The following HAPSTR1 variants were observed in gnomAD, a reference collection of about 807,000 sequenced individuals.
HAPSTR1 encodes the protein HUWE1 associated protein modifying stress responses.
chr16:9,096,780 T>C, the HAPSTR1 span, among the ~76,000 whole-genome samples: 1 of 152,200 alleles, frequency 6.6e-6, no homozygotes, highest in East Asian at 1.9e-4. Context: ...CCCAGCACTT[T>C]GGGAGGCTGA....
At chr16:9,096,349 T>A in the HAPSTR1 span, among the ~76,000 whole-genome samples, 3 of 152,174 alleles carry the variant, frequency 2.0e-5, no homozygotes, top group South Asian at 2.1e-4. Context: ...TTTTTAAAAA[T>A]TTTTTTTGTG....
the HAPSTR1 span, among the ~76,000 whole-genome samples, chr16:9,116,188 G>T: frequency 6.6e-6 from 1 of 152,160 alleles, no homozygotes; most frequent in African/African-American, 2.4e-5. Flanking sequence ...ACCTTATCTA[G>T]AGGGGATGTT....
the HAPSTR1 span, among the ~76,000 whole-genome samples, chr16:9,100,574 C>T: frequency 4.6e-5 from 7 of 152,098 alleles, no homozygotes; most frequent in African/African-American, 1.7e-4. Flanking sequence ...TACTCTTTCG[C>T]CCAGGCTGGA....
At chr16:9,092,664 C>G in the HAPSTR1 span, among the ~76,000 whole-genome samples, 1 of 152,138 alleles carries the variant, frequency 6.6e-6, no homozygotes, top group African/African-American at 2.4e-5. Flanking sequence ...AGGGGGGGCG[C>G]TTCCCTGCGC....
the HAPSTR1 span, chr16:9,119,844 G>A: frequency 6.6e-6 from 1 of 152,120 alleles, no homozygotes; most frequent in Non-Finnish European, 1.5e-5. Context: ...TCGAATAATT[G>A]TGGCTTTGGG....
chr16:9,113,031 T>A, the HAPSTR1 span: 1 of 150,906 alleles, frequency 6.6e-6, no homozygotes, highest in Non-Finnish European at 1.5e-5. Context: ...TTTTTTGTTT[T>A]TTTTTGTTTT....
At chr16:9,091,685 G>T in the HAPSTR1 span, 1 of 399,294 alleles carries the variant, frequency 2.5e-6, no homozygotes, top group Non-Finnish European at 4.4e-6. Flanking sequence ...GCCGAGCTGC[G>T]CGGAGGGCTC....
At chr16:9,119,529 C>T in the HAPSTR1 span, 5 of 152,168 alleles carry the variant, frequency 3.3e-5, no homozygotes, top group African/African-American at 7.2e-5. Context: ...TAGACTGCAG[C>T]GTTCTGAGCA....
At chr16:9,105,952 C>T in the HAPSTR1 span, 1 of 152,174 alleles carries the variant, frequency 6.6e-6, no homozygotes, top group Non-Finnish European at 1.5e-5. Flanking sequence ...ACAGCCCAAC[C>T]AAATAACTGT....
At chr16:9,103,080 G>A in the HAPSTR1 span, 1 of 1,614,182 alleles carries the variant, frequency 6.2e-7, no homozygotes, top group Non-Finnish European at 8.5e-7. Flanking sequence ...AAAAAACGCA[G>A]AAGAACTATT....
the HAPSTR1 span, among the ~76,000 whole-genome samples, chr16:9,101,422 C>G: frequency 6.6e-6 from 1 of 152,204 alleles, no homozygotes. Context: ...AATAATCCAC[C>G]TTCTCAGAGT....
At chr16:9,103,542 T>A in the HAPSTR1 span, 11 of 319,538 alleles carry the variant, frequency 3.4e-5, no homozygotes, top group Non-Finnish European at 6.3e-5. Flanking sequence ...TTTACACTTA[T>A]GTGTTGTACG....
chr16:9,102,970 T>G, the HAPSTR1 span: 73 of 1,609,174 alleles, frequency 4.5e-5, no homozygotes, highest in Non-Finnish European at 5.4e-5. Flanking sequence ...TTTCTTTTTC[T>G]TTTTTTCTAA....
At chr16:9,096,816 T>TA in the HAPSTR1 span, among the ~76,000 whole-genome samples, 1 of 151,990 alleles carries the variant, frequency 6.6e-6, no homozygotes, top group Non-Finnish European at 1.5e-5. Flanking sequence ...TGGGGCAATA[T>TA]AGTGAGATCC....
At chr16:9,097,478 C>A in the HAPSTR1 span, among the ~76,000 whole-genome samples, 1 of 152,066 alleles carries the variant, frequency 6.6e-6, no homozygotes. Context: ...CTCAGGCGAT[C>A]CACCTGCCTC....
chr16:9,096,894 A>G, the HAPSTR1 span, among the ~76,000 whole-genome samples: 3 of 152,074 alleles, frequency 2.0e-5, no homozygotes, highest in Admixed American at 6.5e-5. Context: ...TCAGTTATAC[A>G]TAATACTTAT....
At chr16:9,111,853 T>A in the HAPSTR1 span, 3 of 152,250 alleles carry the variant, frequency 2.0e-5, no homozygotes, top group Non-Finnish European at 4.4e-5. Context: ...TAGTCTTTTT[T>A]TCAATGTATA....
the HAPSTR1 span, chr16:9,121,482 T>C: frequency 6.6e-6 from 1 of 152,226 alleles, no homozygotes; most frequent in African/African-American, 2.4e-5. Flanking sequence ...TTTTACCTGC[T>C]CGTATGAAGG....
the HAPSTR1 span, among the ~76,000 whole-genome samples, chr16:9,092,545 C>T: frequency 5.3e-5 from 8 of 152,158 alleles, no homozygotes; most frequent in Non-Finnish European, 1.2e-4. Context: ...CACCCGGTGT[C>T]CCCCTCGGCC....
Sources: allele counts gnomAD v4.1 joint callset (sites outside exome capture counted in the v4.1 genomes callset), GRCh38; gene constraint gnomAD v4.1.1; transcripts MANE v1.5; gene names NCBI Gene and HGNC (gene_info 2026-07-23, HGNC 2026-07-21).